Variants in SLC50A1 observed in about 807,000 individuals in gnomAD.
SLC50A1 encodes the protein sugar transporter SWEET1.
SLC50A1 carries 22 observed loss-of-function variants against 28.9 expected under a neutral mutation model. The ratio of observed to expected loss-of-function variants is 0.76; its 90% confidence interval spans 0.54 to 1.09. SLC50A1 has a LOEUF of 1.09. Among genes scored for constraint, SLC50A1 ranks in the 50% least tolerant of loss-of-function variants. SLC50A1 has a pLI of 0.00. For synonymous variants in SLC50A1, 96 were observed against 110.6 expected, an observed-to-expected ratio of 0.87 and a Z score of 0.83; for missense variants, 233 against 273.4, an observed-to-expected ratio of 0.85 and a Z score of 1.04.
chr1:155,136,271 C>A (rs374294060), intron 1 of SLC50A1, 28 bp from the exon 2 acceptor site: 4 of 1,473,762 alleles, frequency 2.7e-6, no homozygotes, highest in African/African-American at 2.8e-5. Flanking sequence ...TTCCCACCCC[C>A]ACCCCTCCCT....
chr1:155,136,774 G>C, intron 2 of SLC50A1, 54 bp from the exon 3 acceptor site: 2 of 1,605,868 alleles, frequency 1.2e-6, no homozygotes, highest in East Asian at 2.2e-5. Flanking sequence ...GACCCTTTGG[G>C]TCCTCCTCTC....
intron 2 of SLC50A1, 49 bp downstream of exon 2, chr1:155,136,425 GGGGGC>G: frequency 6.5e-7 from 1 of 1,542,996 alleles, no homozygotes; most frequent in Non-Finnish European, 8.9e-7. Flanking sequence ...AGAGGGAGGT[GGGGGC>G]GGGGCAGGAG....
In SLC50A1 at chr1:155,136,978, A is replaced by G. The variant is rs1462334209; in HGVS notation, c.282+27A>G. The G allele has an allele frequency of 5.0e-6, 8 of 1,607,520 alleles. No homozygotes were observed. The African/African-American group carries it at 9.4e-5, about 19-fold the overall frequency. On this transcript the variant is annotated intron_variant, in intron 3 of 5. Transcript: ENST00000368404. Reference sequence around the variant, plus strand: ...TAGAGGCCCTCCCTTGGACCCACCTATCTGCTGCACGCCCTGCCTTGCTGG... The same window carrying G: ...TAGAGGCCCTCCCTTGGACCCACCTGTCTGCTGCACGCCCTGCCTTGCTGG...
At chr1:155,137,169 G>A (rs1477339781) in intron 3 of SLC50A1, 9 of 610,646 alleles carry the variant, frequency 1.5e-5, no homozygotes, top group East Asian at 8.7e-5. Context: ...AGCCTGAGAT[G>A]CCTATGCTGC....
chr1:155,137,217 GC>G (rs939550742), intron 3 of SLC50A1: 1 of 557,058 alleles, frequency 1.8e-6, no homozygotes, highest in African/African-American at 1.9e-5. Context: ...AGGGGAAAGG[GC>G]TTTTGTCTCT....
At chr1:155,136,237 C>A (rs1664455184) in intron 1 of SLC50A1, 62 bp from the exon 2 acceptor site, 1 of 1,192,544 alleles carries the variant, frequency 8.4e-7, no homozygotes, top group African/African-American at 1.5e-5. Flanking sequence ...ATTGGGCATC[C>A]CCCTCTAGCA....
rs1376033876 is a variant in SLC50A1, at chr1:155,138,639, ACATGGTGAAACCC to A, written c.*362_*374del. On this transcript the variant is annotated 3_prime_UTR_variant, in exon 6 of 6. Transcript: ENST00000368404. ...CAGGAGTTCAAGACCAACCTGACTA[ACATGGTGAAACCC>A]CATCTCTACTAAAAATACAAAATTA... The A allele has an allele frequency of 9.3e-6, 2 of 214,438 alleles. No individual in the cohort carries two copies. Among genetic ancestry groups the A allele is most frequent in the Non-Finnish European group, 1.9e-5 (2 of 104,194 alleles). The allele number at this position is 214,438 out of a possible 1,614,324, so 13.3% of individuals were successfully genotyped here.
Position 155,138,192 on chromosome 1 carries a change from C to G in SLC50A1, c.577C>G (p.Pro193Ala), listed in dbSNP as rs1403655030. ...CTTGTGATTTCAGGTGTCCAACTTT[C>G]CAGGAATCGTCACCAGCTTTATCCG... ...RDPYIMVSNF[P>A]GIVTSFIRFW... is the part of the protein sequence containing the mutation. Residue 193 changes from proline to alanine, a missense_variant, in exon 6 of 6, where the codon CCA becomes GCA. Physicochemically the swap from Pro to Ala is conservative, Grantham distance 27. Coordinates refer to ENST00000368404, the MANE Select transcript of SLC50A1 (RefSeq NM_018845.4). 3 of 1,614,194 alleles carry G rather than the reference C, an allele frequency of 1.9e-6. No individual in the cohort carries two copies. The highest frequency in any genetic ancestry group is 2.2e-5 in the South Asian group (2 of 91,076).
In SLC50A1 at chr1:155,136,856, T is replaced by G. The variant is rs1664518055; in HGVS notation, c.187T>G (p.Leu63Val). ...NNLGWLSYGALKGDGILIVVN... is the reference protein window; with the variant it reads ...NNLGWLSYGAVKGDGILIVVN... ...CCTGGGCTGGCTGAGTTATGGGGCT[T>G]TGAAGGGAGACGGGATCCTCATCGT... Residue 63 changes from leucine (L) to valine (V), a missense_variant, in exon 3 of 6, where the codon TTG (leucine) becomes GTG (valine). By Grantham distance (32) the Leu-to-Val change is conservative (BLOSUM62 1). Transcript: ENST00000368404. 3.7e-6 allele frequency: 6 copies of G among 1,614,188 alleles called. No homozygotes were observed. In the East Asian group the frequency reaches 1.3e-4, roughly 36 times the overall value.
Position 155,136,293 on chromosome 1 carries a change from TTA to T in SLC50A1, c.81-5_81-4del. The T allele has an allele frequency of 1.5e-6, 2 of 1,294,146 alleles. No homozygotes were observed. The highest frequency in any genetic ancestry group is 2.2e-6 in the Non-Finnish European group (2 of 892,342). The allele number at this position is 1,294,146 out of a possible 1,614,324, so 80.2% of individuals were successfully genotyped here. ...CCCCACCCCTCCCTTCGGGGCCCCATTACAGCTCGGACCTCAGGCACATGCGA... is the reference window on the plus strand; with the variant it reads ...CCCCACCCCTCCCTTCGGGGCCCCATCAGCTCGGACCTCAGGCACATGCGA... On this transcript the variant is annotated splice_region_variant and splice_polypyrimidine_tract_variant and intron_variant, in intron 1 of 5. Coordinates refer to ENST00000368404, the MANE Select transcript of SLC50A1 (RefSeq NM_018845.4).
chr1:155,137,065 G>A, intron 3 of SLC50A1, 114 bp downstream of exon 3: 2 of 1,374,132 alleles, frequency 1.5e-6, no homozygotes, highest in Non-Finnish European at 2.0e-6. Context: ...TTCCAGGAAG[G>A]CCTCTCCAGC....
Position 155,138,201 on chromosome 1 carries a change from G to A in SLC50A1, c.586G>A (p.Val196Ile), listed in dbSNP as rs199532576. 1.0e-4 allele frequency: 168 copies of A among 1,614,028 alleles called. 1 individual carries two copies. The Admixed American group carries it at 2.1e-3, about 20-fold the overall frequency. ...TCAGGTGTCCAACTTTCCAGGAATC[G>A]TCACCAGCTTTATCCGCTTCTGGCT... ...YIMVSNFPGI[V>I]TSFIRFWLFW... Residue 196 changes from valine to isoleucine, a missense_variant, in exon 6 of 6, where the codon GTC becomes ATC. Val to Ile is a conservative substitution (Grantham distance 29). Coordinates refer to ENST00000368404, the MANE Select transcript of SLC50A1 (RefSeq NM_018845.4).
Position 155,135,957 on chromosome 1 carries a change from G to A in SLC50A1, c.46G>A (p.Val16Met). Residue 16 changes from valine (V) to methionine (M), a missense_variant, in exon 1 of 6, where the codon GTG becomes ATG. Coordinates refer to ENST00000368404, the MANE Select transcript of SLC50A1 (RefSeq NM_018845.4). ...GGACTCGCTCATTTACGGAGCATGC[G>A]TGGTCTTCACCCTTGGCATGTTCTC... ...FLDSLIYGACVVFTLGMFSAG... is the reference protein window; with the variant it reads ...FLDSLIYGACMVFTLGMFSAG... 1 of 1,614,128 alleles carries A rather than the reference G, an allele frequency of 6.2e-7. No homozygotes were observed. The highest frequency in any genetic ancestry group is 8.5e-7 in the Non-Finnish European group (1 of 1,180,026).
In SLC50A1 at chr1:155,137,670, T is replaced by C; in HGVS notation, c.392T>C (p.Leu131Pro). The change falls in exon 4 of 6, where the codon CTC (leucine) becomes CCC (proline). Residue 131 changes from leucine to proline, a missense_variant. Physicochemically the swap from Leu to Pro is moderately conservative, Grantham distance 98. Transcript: ENST00000368404. Reference sequence around the variant, plus strand: ...GAGGCCCGGCTTCAGCAGTTGGGCCTCTTCTGCAGTGTCTTCACCATCAGC... The same window carrying C: ...GAGGCCCGGCTTCAGCAGTTGGGCCCCTTCTGCAGTGTCTTCACCATCAGC... The part of the protein sequence containing the change: ...NPEARLQQLG[L>P]FCSVFTISMY... 3.7e-6 allele frequency: 6 copies of C among 1,614,200 alleles called. No individual in the cohort carries two copies. The highest frequency in any genetic ancestry group is 5.1e-6 in the Non-Finnish European group (6 of 1,180,036).
rs1425545379 is a variant in SLC50A1, at chr1:155,137,930, A to G, written c.445-49A>G. Reference sequence around the variant, plus strand: ...CTTGAGGAAATTCTTAGGCAAGTGAAGCTTTACGATGTGCTTGGGCCAAGA... The same window carrying G: ...CTTGAGGAAATTCTTAGGCAAGTGAGGCTTTACGATGTGCTTGGGCCAAGA... On this transcript the variant is annotated intron_variant, in intron 4 of 5. Transcript: ENST00000368404. 2.5e-6 allele frequency: 4 copies of G among 1,612,390 alleles called. No individual in the cohort carries two copies. In the African/African-American group the frequency reaches 5.3e-5, roughly 22 times the overall value.
rs756420438 is a variant in SLC50A1 at position 155,138,022 on chromosome 1, C to T, written c.488C>T (p.Pro163Leu). 6 of 1,614,176 alleles carry T rather than the reference C, an allele frequency of 3.7e-6. No homozygotes were observed. The highest frequency in any genetic ancestry group is 2.2e-5 in the South Asian group (2 of 91,072). ...QTKSTQCLSY[P>L]LTIATLLTSA... is the part of the protein sequence containing the mutation. ...AAATCAACCCAATGTCTCTCCTACC[C>T]ACTCACCATTGCTACCCTTCTCACC... The change falls in exon 5 of 6, where the codon CCA becomes CTA. Residue 163 changes from proline (P) to leucine (L), a missense_variant. By Grantham distance (98) the Pro-to-Leu change is moderately conservative. Coordinates refer to ENST00000368404, the MANE Select transcript of SLC50A1 (RefSeq NM_018845.4).
chr1:155,135,505 C>CT, upstream of SLC50A1: 1 of 1,321,232 alleles, frequency 7.6e-7, no homozygotes, highest in Non-Finnish European at 1.0e-6. Flanking sequence ...TCTTGTTAAA[C>CT]TAGCAAGCTT....
upstream of SLC50A1, chr1:155,135,391 T>C: frequency 3.6e-6 from 2 of 550,922 alleles, no homozygotes; most frequent in Admixed American, 6.8e-5. Flanking sequence ...TGGTAATGTG[T>C]TATTTTGAGA....
chr1:155,137,923 C>T, intron 4 of SLC50A1, 56 bp from the exon 5 acceptor site: 1 of 1,611,690 alleles, frequency 6.2e-7, no homozygotes, highest in Non-Finnish European at 8.5e-7. Context: ...AATTCTTAGG[C>T]AAGTGAAGCT....
Sources: allele counts gnomAD v4.1 joint callset, GRCh38; gene constraint gnomAD v4.1.1; transcripts MANE v1.5; gene names NCBI Gene and HGNC (gene_info 2026-07-23, HGNC 2026-07-21).